The following TUSC3 variants were observed in gnomAD, a reference collection of about 807,000 sequenced individuals.
The protein encoded by TUSC3 is tumor suppressor candidate 3, also known as dolichyl-diphosphooligosaccharide--protein glycosyltransferase subunit TUSC3.
TUSC3 carries 45 observed loss-of-function variants against 44.8 expected under a neutral mutation model. That is an observed-to-expected ratio of 1.00 (90% CI 0.79 to 1.29). The LOEUF is 1.29. Among genes scored for constraint, TUSC3 ranks in the 50% most tolerant of loss-of-function variants. TUSC3 has a pLI of 0.00. For missense variants in TUSC3, 519 were observed against 437.9 expected, an observed-to-expected ratio of 1.19 and a Z score of -1.65; for synonymous variants, 212 against 152.9, an observed-to-expected ratio of 1.39 and a Z score of -2.85.
At chr8:15,759,427 G>A (rs1462771892) in intron 10 of TUSC3, among the ~76,000 whole-genome samples, 1 of 151,926 alleles carries the variant, frequency 6.6e-6, no homozygotes, top group African/African-American at 2.4e-5. Flanking sequence ...CCAGAACACT[G>A]TGTACATTCT....
chr8:15,654,258 A>G (rs7011443), intron 3 of TUSC3, among the ~76,000 whole-genome samples: 73,843 of 151,894 alleles, frequency 0.49, 18,023 homozygotes, highest in African/African-American at 0.52. Flanking sequence ...GACGTCTCTC[A>G]TATATCCATG....
At chr8:15,746,675 C>T (rs1315717793) in intron 8 of TUSC3, among the ~76,000 whole-genome samples, 1 of 151,944 alleles carries the variant, frequency 6.6e-6, no homozygotes, top group East Asian at 1.9e-4. Context: ...TCTGATAGAG[C>T]ACAACCCAAT....
intron 6 of TUSC3, among the ~76,000 whole-genome samples, chr8:15,687,842 A>G (rs1448139210): frequency 1.3e-5 from 2 of 152,262 alleles, no homozygotes; most frequent in Non-Finnish European, 2.9e-5. Flanking sequence ...AATGTTAAGT[A>G]TATCAGAAAA....
intron 1 of TUSC3, among the ~76,000 whole-genome samples, chr8:15,600,054 T>C (rs1414751595): frequency 1.3e-5 from 2 of 151,788 alleles, no homozygotes; most frequent in East Asian, 3.9e-4. Context: ...TTTATTTCAT[T>C]TTCTTGTCTT....
chr8:15,536,536 G>T (rs1801523329), upstream of TUSC3, among the ~76,000 whole-genome samples: 1 of 151,606 alleles, frequency 6.6e-6, no homozygotes, highest in South Asian at 2.1e-4. Flanking sequence ...ACAAAAATTA[G>T]CCGGGCGTGG....
intron 6 of TUSC3, among the ~76,000 whole-genome samples, chr8:15,683,466 C>G (rs960810033): frequency 6.6e-6 from 1 of 151,818 alleles, no homozygotes; most frequent in Admixed American, 6.6e-5. Flanking sequence ...TTTGAAATTC[C>G]TATGGTGGAT....
chr8:15,496,170 A>T (rs112201863), intron 2 of TUSC3, among the ~76,000 whole-genome samples: 2 of 152,030 alleles, frequency 1.3e-5, no homozygotes, highest in South Asian at 4.1e-4. Flanking sequence ...TAAATGATGT[A>T]CTCTCTGGGT....
chr8:15,620,758 G>C (rs1158582268), intron 1 of TUSC3, among the ~76,000 whole-genome samples: 3 of 152,084 alleles, frequency 2.0e-5, no homozygotes, highest in Non-Finnish European at 4.4e-5. Context: ...CTTGAAGATG[G>C]GAAGCATGGG....
Position 15,725,019 on chromosome 8 carries a change from A to G in TUSC3, c.799-5647A>G, listed in dbSNP as rs376369439. ...CAAATCATCATTTGGGTATCATCCA[A>G]CACTGTCAAATCTTAGTTTCATTTG... On this transcript the variant is annotated intron_variant, in intron 6 of 10. Transcript: ENST00000503731. Among the ~76,000 whole-genome samples the G allele has an allele frequency of 6.6e-5, 10 of 152,336 alleles. No individual in the cohort carries two copies. In the East Asian group the frequency reaches 7.7e-4, roughly 12 times the overall value.
At chr8:15,545,497 G>C (rs780036734) in intron 1 of TUSC3, among the ~76,000 whole-genome samples, 1 of 151,710 alleles carries the variant, frequency 6.6e-6, no homozygotes, top group Non-Finnish European at 1.5e-5. Context: ...TTGACTATGT[G>C]CTATATGCAA....
At chr8:15,538,675 CA>C (rs1801570196), upstream of TUSC3, among the ~76,000 whole-genome samples, 1 of 152,110 alleles carries the variant, frequency 6.6e-6, no homozygotes, top group Admixed American at 6.5e-5. Flanking sequence ...CTATTAACCT[CA>C]CAACAGTTTC....
intron 1 of TUSC3, among the ~76,000 whole-genome samples, chr8:15,442,198 T>C (rs1206066213): frequency 6.6e-6 from 1 of 152,130 alleles, no homozygotes; most frequent in African/African-American, 2.4e-5. Context: ...ACGATTTTTG[T>C]CAATTACCTG....
chr8:15,584,837 T>C (rs1340427296), intron 1 of TUSC3, among the ~76,000 whole-genome samples: 3 of 152,114 alleles, frequency 2.0e-5, no homozygotes, highest in South Asian at 4.1e-4. Flanking sequence ...CAGGGTTCTA[T>C]TGGGATTTAT....
chr8:15,730,589 T>G, intron 6 of TUSC3, 77 bp from the exon 7 acceptor site: 2 of 1,411,314 alleles, frequency 1.4e-6, no homozygotes, highest in Admixed American at 3.6e-5. Context: ...TTTCCATTGT[T>G]TATCTTCATG....
At position 15,585,993 on chromosome 8, in the gene TUSC3, A is replaced by C. The variant is rs183796290; in HGVS notation, c.139-37087A>C. On this transcript the variant is annotated intron_variant, in intron 1 of 10. Coordinates refer to ENST00000503731, the MANE Select transcript of TUSC3 (RefSeq NM_006765.4). Reference sequence around the variant, plus strand: ...GATGGCTGAAGGAAATGGAATTCTGAAGAAAATCAGTGAAGAAGGTTGAGG... The same window carrying C: ...GATGGCTGAAGGAAATGGAATTCTGCAGAAAATCAGTGAAGAAGGTTGAGG... Among the ~76,000 whole-genome samples the C allele has an allele frequency of 7.6e-3, 1,158 of 152,306 alleles. 5 individuals are homozygous for C. Among genetic ancestry groups the C allele is most frequent in the Non-Finnish European group, 0.013 (876 of 68,034 alleles).
chr8:15,688,430 C>CTTTTT (rs11383982), intron 6 of TUSC3, among the ~76,000 whole-genome samples: 3 of 141,304 alleles, frequency 2.1e-5, no homozygotes, highest in East Asian at 2.1e-4. Context: ...CTTCAGTATT[C>CTTTTT]TTTTTTTTTT....
At chr8:15,446,420 C>T (rs1284706936) in intron 1 of TUSC3, among the ~76,000 whole-genome samples, 3 of 152,036 alleles carry the variant, frequency 2.0e-5, no homozygotes, top group Non-Finnish European at 4.4e-5. Flanking sequence ...CACGCCACTG[C>T]ACTCCAGCCT....
At chr8:15,577,832 T>G (rs1426511708) in intron 1 of TUSC3, among the ~76,000 whole-genome samples, 2 of 149,548 alleles carry the variant, frequency 1.3e-5, no homozygotes, top group Admixed American at 1.3e-4. Flanking sequence ...TTAAAGTAGT[T>G]TTTTCCAATT....
At chr8:15,461,002 G>T (rs1280796905) in intron 1 of TUSC3, among the ~76,000 whole-genome samples, 4 of 152,120 alleles carry the variant, frequency 2.6e-5, no homozygotes, top group African/African-American at 9.7e-5. Flanking sequence ...TTTTGCTTTG[G>T]CTGTGCAGGA....
Sources: gnomAD v4.1 joint callset for allele counts (sites outside exome capture counted in the v4.1 genomes callset) on GRCh38, gnomAD v4.1.1 for gene constraint, MANE v1.5 for transcripts, NCBI Gene and HGNC (gene_info 2026-07-23, HGNC 2026-07-21) for gene names.